Variants in THSD4 observed in about 807,000 individuals in gnomAD.
THSD4 encodes thrombospondin type 1 domain containing 4.
A neutral mutation model predicts 119.0 loss-of-function variants in THSD4; 69 were observed. That is an observed-to-expected ratio of 0.58 (90% CI 0.48 to 0.71). The LOEUF (loss-of-function observed/expected upper bound fraction) is 0.71, where lower values mean the gene tolerates loss of function less well. THSD4 is among the 30% of genes least tolerant of loss of function. THSD4 has a pLI of 0.00. For missense variants in THSD4, 1,393 were observed against 1,391.1 expected (o/e 1.00, Z -0.02); for synonymous variants, 524 against 540.4 (o/e 0.97, Z 0.42).
chr15:71,729,486 G>T (rs890997608), intron 9 of THSD4: 1 of 152,130 alleles, frequency 6.6e-6, no homozygotes, highest in Non-Finnish European at 1.5e-5. Context: ...TAACATATTT[G>T]CTGTGTCAGA....
At chr15:71,541,253 T>A (rs1341307929) in intron 7 of THSD4, among the ~76,000 whole-genome samples, 4 of 152,242 alleles carry the variant, frequency 2.6e-5, no homozygotes, top group Admixed American at 1.3e-4. Context: ...GAATGAGATA[T>A]TTTACATTCT....
intron 15 of THSD4, 106 bp downstream of exon 15, chr15:71,758,181 A>G (rs2053576494): frequency 7.5e-7 from 1 of 1,327,500 alleles, no homozygotes; most frequent in African/African-American, 1.5e-5. Context: ...TTTGAATCCC[A>G]GCAGTGCCAC....
intron 6 of THSD4, among the ~76,000 whole-genome samples, chr15:71,370,673 AC>A (rs2046032061): frequency 2.0e-5 from 3 of 151,902 alleles, no homozygotes; most frequent in Non-Finnish European, 4.4e-5. Flanking sequence ...CTGTTCTTTT[AC>A]ATTTGCTGAG....
At chr15:71,356,608 G>A (rs1288270518) in intron 6 of THSD4, among the ~76,000 whole-genome samples, 1 of 152,100 alleles carries the variant, frequency 6.6e-6, no homozygotes, top group African/African-American at 2.4e-5. Flanking sequence ...AAGAGAAAGA[G>A]AGAGTGAAGG....
At chr15:71,377,684 T>C (rs1181347616) in intron 6 of THSD4, among the ~76,000 whole-genome samples, 1 of 152,024 alleles carries the variant, frequency 6.6e-6, no homozygotes, top group Non-Finnish European at 1.5e-5. Context: ...CCATTCTGTT[T>C]CAGGGCAGCT....
intron 6 of THSD4, among the ~76,000 whole-genome samples, chr15:71,371,871 T>C (rs1193809856): frequency 6.6e-6 from 1 of 152,196 alleles, no homozygotes; most frequent in Non-Finnish European, 1.5e-5. Context: ...TACTGCAGAG[T>C]GTTTTCCAAC....
intron 1 of THSD4, among the ~76,000 whole-genome samples, chr15:71,134,017 T>A (rs1291275895): frequency 6.6e-6 from 1 of 152,174 alleles, no homozygotes; most frequent in Non-Finnish European, 1.5e-5. Context: ...TTTTAATAGA[T>A]CTTCTCAAGG....
chr15:71,736,426 T>C (rs941560259), intron 10 of THSD4, among the ~76,000 whole-genome samples: 2 of 151,920 alleles, frequency 1.3e-5, no homozygotes, highest in Non-Finnish European at 2.9e-5. Context: ...GCTCTCTTGC[T>C]GTCTTTGTCT....
intron 4 of THSD4, among the ~76,000 whole-genome samples, chr15:71,221,680 C>T (rs74901541): frequency 0.056 from 8,559 of 152,278 alleles, 288 homozygotes; most frequent in Middle Eastern, 0.1. Context: ...TTTCATCCAT[C>T]AGTGGACATT....
chr15:71,117,081 G>A (rs963394565), intron 1 of THSD4, among the ~76,000 whole-genome samples: 3 of 152,022 alleles, frequency 2.0e-5, no homozygotes, highest in Admixed American at 2.0e-4. Context: ...GTCTGGGCCT[G>A]GGAAATGAGT....
At chr15:71,257,735 G>A (rs2044336570) in intron 6 of THSD4, among the ~76,000 whole-genome samples, 1 of 152,106 alleles carries the variant, frequency 6.6e-6, no homozygotes, top group Admixed American at 6.5e-5. Flanking sequence ...CTCTGAAATT[G>A]GATGCTAAAT....
chr15:71,685,202 T>TAA (rs56108084), intron 8 of THSD4, among the ~76,000 whole-genome samples: 6 of 149,252 alleles, frequency 4.0e-5, no homozygotes, highest in South Asian at 4.2e-4. Context: ...TTCCTCTTTT[T>TAA]AAAAAAAAAA....
chr15:71,716,697 C>T (rs2052617778), intron 8 of THSD4, among the ~76,000 whole-genome samples: 1 of 151,856 alleles, frequency 6.6e-6, no homozygotes, highest in South Asian at 2.1e-4. Flanking sequence ...AGCCACGGTG[C>T]ACACCTGACC....
intron 8 of THSD4, among the ~76,000 whole-genome samples, chr15:71,661,742 T>A (rs545561414): frequency 2.0e-5 from 3 of 152,196 alleles, no homozygotes; most frequent in Non-Finnish European, 4.4e-5. Context: ...TAAGCATGTT[T>A]AAATCAGTTA....
At chr15:71,430,759 GAAAAAAAAAAAAA>G (rs397719477) in intron 7 of THSD4, among the ~76,000 whole-genome samples, 8 of 82,958 alleles carry the variant, frequency 9.6e-5, no homozygotes, top group African/African-American at 4.8e-5. Context: ...TCTGTCTCAA[GAAAAAAAAAAAAA>G]AAAAAAAAAA....
At chr15:71,381,869 T>A (rs2046233526) in intron 6 of THSD4, among the ~76,000 whole-genome samples, 1 of 152,206 alleles carries the variant, frequency 6.6e-6, no homozygotes, top group South Asian at 2.1e-4. Context: ...ATGCTTCCCA[T>A]ATAGTTAACA....
Position 71,728,862 on chromosome 15 carries a change from C to T in THSD4, c.1533+138C>T, listed in dbSNP as rs548651382. 32 of 1,122,340 alleles carry T rather than the reference C, an allele frequency of 2.9e-5. No homozygotes were observed. The South Asian group carries it at 3.8e-4, about 13-fold the overall frequency. The allele number at this position is 1,122,340 out of a possible 1,614,324, so 69.5% of individuals were successfully genotyped here. ...TTGAGCAGAGCCTGTTGGAGGCACT[C>T]CTTGAATGCTTGGCGTTCATCTTTG... On this transcript the variant is annotated intron_variant, in intron 9 of 17. Coordinates refer to ENST00000261862, the MANE Select transcript of THSD4 (RefSeq NM_024817.3).
At chr15:71,508,472 A>G (rs2140749036) in intron 7 of THSD4, among the ~76,000 whole-genome samples, 1 of 152,252 alleles carries the variant, frequency 6.6e-6, no homozygotes, top group South Asian at 2.1e-4. Flanking sequence ...TGTCCCTCCC[A>G]AATCCCCAGA....
chr15:71,163,470 A>G (rs1596233618), intron 3 of THSD4, among the ~76,000 whole-genome samples: 1 of 152,208 alleles, frequency 6.6e-6, no homozygotes, highest in East Asian at 1.9e-4. Context: ...CTCGAAAACC[A>G]CAAAATTGCC....
Sources: allele counts gnomAD v4.1 joint callset (sites outside exome capture counted in the v4.1 genomes callset), GRCh38; gene constraint gnomAD v4.1.1; transcripts MANE v1.5; gene names NCBI Gene and HGNC (gene_info 2026-07-23, HGNC 2026-07-21).